ATIC: variants seen among roughly 807,000 people sequenced by gnomAD.
ATIC encodes 5-aminoimidazole-4-carboxamide ribonucleotide formyltransferase/IMP cyclohydrolase, also known as bifunctional purine biosynthesis protein ATIC.
Under a neutral mutation model 72.5 loss-of-function variants are expected in ATIC, and 64 were observed. The observed-to-expected ratio is 0.88, with a 90% CI of 0.72 to 1.09. ATIC has a LOEUF of 1.09. ATIC is among the 50% of genes least tolerant of loss of function. The probability of loss-of-function intolerance (pLI) is 0.00; values close to 1 mark genes in which losing one functional copy is unlikely to be tolerated. For synonymous variants in ATIC, 281 were observed against 267.1 expected (o/e 1.05, Z -0.51); for missense variants, 787 against 732.4 (o/e 1.07, Z -0.86).
intron 11 of ATIC, among the ~76,000 whole-genome samples, chr2:215,337,209 A>G (rs192916452): frequency 1.4e-4 from 21 of 152,134 alleles, no homozygotes; most frequent in Admixed American, 2.0e-4. Flanking sequence ...TCCTAATGCT[A>G]CTTTTCATAG....
At chr2:215,350,218 C>T (rs2053119839), downstream of ATIC, among the ~76,000 whole-genome samples, 1 of 152,126 alleles carries the variant, frequency 6.6e-6, no homozygotes, top group East Asian at 1.9e-4. Flanking sequence ...CTCACTGCAA[C>T]CTCCGCCTCC....
At chr2:215,345,611 A>G (rs542339728) in intron 13 of ATIC, 1 of 152,752 alleles carries the variant, frequency 6.5e-6, no homozygotes, top group East Asian at 1.9e-4. Context: ...CATTTGTTAA[A>G]TTATTTGGCC....
At chr2:215,352,338 T>C (rs1313707752), downstream of ATIC, among the ~76,000 whole-genome samples, 8 of 152,126 alleles carry the variant, frequency 5.3e-5, no homozygotes, top group Non-Finnish European at 1.0e-4. Flanking sequence ...TCCCAGCACT[T>C]TGGGAGGCCG....
intron 13 of ATIC, 74 bp from the exon 14 acceptor site, chr2:215,346,685 A>G (rs920859126): frequency 2.0e-6 from 3 of 1,513,962 alleles, no homozygotes; most frequent in Admixed American, 3.3e-5. Context: ...GTTTTGGAGA[A>G]TGTGCACAAA....
At chr2:215,361,672 A>T in the ATIC span, 1 of 1,414,628 alleles carries the variant, frequency 7.1e-7, no homozygotes. Context: ...CAAATACTGT[A>T]AAGTGTACAG....
chr2:215,330,808 A>ACAG (rs2052884221), intron 7 of ATIC, among the ~76,000 whole-genome samples: 2 of 151,036 alleles, frequency 1.3e-5, no homozygotes, highest in Admixed American at 1.3e-4. Flanking sequence ...CCTCTCAAGT[A>ACAG]GCTGGGATTA....
rs746800538 is a variant in ATIC, at chr2:215,312,513, C to A, written c.35C>A (p.Ser12Tyr). Residue 12 changes from serine to tyrosine, a missense_variant, in exon 2 of 16, where the codon TCT becomes TAT. Physicochemically the swap from Ser to Tyr is moderately radical, Grantham distance 144. Transcript: ENST00000236959. ...APGQLALFSV[S>Y]DKTGLVEFAR... The stretch of plus-strand genomic sequence containing the variant: ...TCTCTTTCAGCCTTATTTAGTGTCT[C>A]TGACAAAACCGGCCTTGTGGAATTT... 1 of 1,614,214 alleles carries A rather than the reference C, an allele frequency of 6.2e-7. No individual in the cohort carries two copies. Among genetic ancestry groups the A allele is most frequent in the African/African-American group, 1.3e-5 (1 of 75,070 alleles).
At position 215,312,061 on chromosome 2, in the gene ATIC, C is replaced by T; in HGVS notation, c.-82C>T. 6.6e-7 allele frequency: 1 copy of T among 1,519,100 alleles called. No individual in the cohort carries two copies. The highest frequency in any genetic ancestry group is 8.8e-7 in the Non-Finnish European group (1 of 1,135,178). The allele number at this position is 1,519,100 out of a possible 1,614,324, so 94.1% of individuals were successfully genotyped here. A position where few individuals can be genotyped will look rare whatever the true frequency, so the allele number is the denominator to read the frequency against. On this transcript the variant is annotated 5_prime_UTR_variant, in exon 1 of 16. Transcript: ENST00000236959. ...TCCGCCCCCTCGCTTCCTGAGCCGC[C>T]ACATCCCGGCAGCCCTCCTACCTGC...
the ATIC span, among the ~76,000 whole-genome samples, chr2:215,363,925 C>A: frequency 6.6e-6 from 1 of 152,182 alleles, no homozygotes; most frequent in Non-Finnish European, 1.5e-5. Context: ...TATTTTCTTA[C>A]CAGAAGACAG....
chr2:215,319,143 G>A (rs1162394610), intron 3 of ATIC, among the ~76,000 whole-genome samples: 3 of 152,098 alleles, frequency 2.0e-5, no homozygotes, highest in Admixed American at 2.0e-4. Flanking sequence ...GCCTCCCAAA[G>A]TGCTGGTATT....
rs995477177 is a variant in ATIC at position 215,349,718 on chromosome 2, G to T, written c.*63G>T. 7 of 1,612,778 alleles carry T rather than the reference G, an allele frequency of 4.3e-6. No homozygotes were observed. In the African/African-American group the frequency reaches 8.0e-5, roughly 18 times the overall value. On this transcript the variant is annotated 3_prime_UTR_variant, in exon 16 of 16. Coordinates refer to ENST00000236959, the MANE Select transcript of ATIC (RefSeq NM_004044.7). ...GGTGAACAGTCACGCCTGAAACTTT[G>T]AGGATAACTTTTTAAAAAAATAAAA... is the stretch of plus-strand genomic sequence containing the variant.
the ATIC span, among the ~76,000 whole-genome samples, chr2:215,367,410 T>A: frequency 6.6e-6 from 1 of 152,338 alleles, no homozygotes; most frequent in South Asian, 2.1e-4. Flanking sequence ...CAAAAGTGTG[T>A]GCATGGGTAC....
At chr2:215,351,660 A>G (rs1027852814), downstream of ATIC, among the ~76,000 whole-genome samples, 2 of 152,210 alleles carry the variant, frequency 1.3e-5, no homozygotes, top group Non-Finnish European at 2.9e-5. Flanking sequence ...TGAAGAATAA[A>G]TAAGTGGAGA....
At chr2:215,350,268 C>T (rs912606348), downstream of ATIC, among the ~76,000 whole-genome samples, 5 of 152,150 alleles carry the variant, frequency 3.3e-5, no homozygotes, top group Non-Finnish European at 5.9e-5. Context: ...TCCTGAGTAG[C>T]TGGGACTACA....
intron 7 of ATIC, 132 bp downstream of exon 7, chr2:215,327,110 A>T (rs982242123): frequency 1.7e-5 from 25 of 1,432,570 alleles, no homozygotes; most frequent in Middle Eastern, 2.2e-4. Context: ...TCTGATAACC[A>T]TCTGGTTTGA....
At position 215,349,706 on chromosome 2, in the gene ATIC, G is replaced by T. The variant is rs768314755; in HGVS notation, c.*51G>T. 2.5e-6 allele frequency: 4 copies of T among 1,613,584 alleles called. No individual in the cohort carries two copies. The highest frequency in any genetic ancestry group is 2.5e-6 in the Non-Finnish European group (3 of 1,179,740). ...TGCTTATGTGTAGGTGAACAGTCAC[G>T]CCTGAAACTTTGAGGATAACTTTTT... is the stretch of plus-strand genomic sequence containing the variant. On this transcript the variant is annotated 3_prime_UTR_variant, in exon 16 of 16. Transcript: ENST00000236959.
chr2:215,312,695 C>T, intron 2 of ATIC, 71 bp downstream of exon 2: 1 of 1,609,472 alleles, frequency 6.2e-7, no homozygotes, highest in Non-Finnish European at 8.5e-7. Flanking sequence ...TTCCAGGCAC[C>T]AGCAGCAAAA....
the ATIC span, among the ~76,000 whole-genome samples, chr2:215,358,210 A>G: frequency 9.3e-5 from 13 of 139,502 alleles, no homozygotes. Context: ...AACAATATAA[A>G]ATGTAACATT....
At chr2:215,363,923 T>C in the ATIC span, among the ~76,000 whole-genome samples, 1 of 152,208 alleles carries the variant, frequency 6.6e-6, no homozygotes, top group African/African-American at 2.4e-5. Context: ...TCTATTTTCT[T>C]ACCAGAAGAC....
Sources: gnomAD v4.1 joint callset for allele counts (sites outside exome capture counted in the v4.1 genomes callset) on GRCh38, gnomAD v4.1.1 for gene constraint, MANE v1.5 for transcripts, NCBI Gene and HGNC (gene_info 2026-07-23, HGNC 2026-07-21) for gene names.